The following MYO1D variants were observed in gnomAD, a reference collection of about 807,000 sequenced individuals.
MYO1D encodes the protein unconventional myosin-Id.
A neutral mutation model predicts 122.0 loss-of-function variants in MYO1D; 83 were observed. The observed-to-expected ratio is 0.68, with a 90% confidence interval of 0.57 to 0.82. The LOEUF is 0.82. Ranked by LOEUF, MYO1D falls within the 40% of genes least tolerant of loss-of-function variation. MYO1D has a pLI of 0.00. For missense variants in MYO1D, 1,157 were observed against 1,269.5 expected, an observed-to-expected ratio of 0.91 and a Z score of 1.35; for synonymous variants, 464 against 446.9, an observed-to-expected ratio of 1.04 and a Z score of -0.48.
intron 1 of MYO1D, among the ~76,000 whole-genome samples, chr17:32,781,337 T>A: frequency 1.3e-5 from 2 of 152,210 alleles, no homozygotes; most frequent in East Asian, 1.9e-4. Flanking sequence ...AGTTCCATGG[T>A]GTCGATATAT....
intron 1 of MYO1D, among the ~76,000 whole-genome samples, chr17:32,851,654 G>T (rs1205420142): frequency 6.6e-6 from 1 of 152,220 alleles, no homozygotes; most frequent in East Asian, 1.9e-4. Flanking sequence ...TTCTGTGGAA[G>T]ACCATTTTTC....
chr17:32,767,614 T>G, intron 7 of MYO1D, 22 bp downstream of exon 7: 1 of 1,464,646 alleles, frequency 6.8e-7, no homozygotes, highest in South Asian at 1.2e-5. Context: ...GACAATACAT[T>G]CTGAGAGGTG....
chr17:32,717,990 G>A (rs1163184572), intron 15 of MYO1D, among the ~76,000 whole-genome samples: 5 of 151,826 alleles, frequency 3.3e-5, no homozygotes, highest in African/African-American at 1.2e-4. Flanking sequence ...TGCTGCTCCT[G>A]GATCAACCTT....
intron 19 of MYO1D, among the ~76,000 whole-genome samples, chr17:32,645,090 T>C (rs1365228307): frequency 6.6e-6 from 1 of 152,222 alleles, no homozygotes; most frequent in Non-Finnish European, 1.5e-5. Context: ...CTTCAGGAGC[T>C]CTTGTAGGGC....
At chr17:32,524,564 CTTT>C (rs11323072) in intron 21 of MYO1D, among the ~76,000 whole-genome samples, 6 of 119,264 alleles carry the variant, frequency 5.0e-5, no homozygotes, top group Admixed American at 3.5e-4. Context: ...CTGATTAATT[CTTT>C]TTTTTTTTTT....
At chr17:32,549,330 A>G (rs189966077) in intron 21 of MYO1D, among the ~76,000 whole-genome samples, 97 of 149,970 alleles carry the variant, frequency 6.5e-4, no homozygotes, top group Non-Finnish European at 1.1e-3. Flanking sequence ...TCCTGGGCTC[A>G]AGTGATCCAC....
chr17:32,764,991 T>C lies in MYO1D; in HGVS notation c.922A>G (p.Thr308Ala), dbSNP rs749934338. Residue 308 changes from threonine to alanine, a missense_variant, in exon 8 of 22, where the codon ACA (threonine) becomes GCA (alanine). Coordinates refer to ENST00000318217, the MANE Select transcript of MYO1D (RefSeq NM_015194.3). Reference protein sequence around the residue: ...SIIAELLSTKTDMVEKALLYR... With the variant: ...SIIAELLSTKADMVEKALLYR... ...AGAAGGGCTTTCTCAACCATATCTG[T>C]CTTAGTAGAGAGCAATTCTGCTATG... 6.2e-7 allele frequency: 1 copy of C among 1,614,210 alleles called. No homozygotes were observed. The highest frequency in any genetic ancestry group is 1.1e-5 in the South Asian group (1 of 91,078).
intron 16 of MYO1D, among the ~76,000 whole-genome samples, chr17:32,707,446 A>AT (rs2089322846): frequency 6.6e-6 from 1 of 152,222 alleles, no homozygotes; most frequent in Admixed American, 6.5e-5. Context: ...TTAAAACCAT[A>AT]TATACTCTTC....
At chr17:32,581,403 C>T (rs1208210505) in intron 21 of MYO1D, among the ~76,000 whole-genome samples, 3 of 151,920 alleles carry the variant, frequency 2.0e-5, no homozygotes, top group Admixed American at 2.0e-4. Context: ...TTTCTGATTT[C>T]CATTTCATTG....
At chr17:32,803,199 T>G (rs1200907501) in intron 1 of MYO1D, among the ~76,000 whole-genome samples, 1 of 152,136 alleles carries the variant, frequency 6.6e-6, no homozygotes, top group Non-Finnish European at 1.5e-5. Flanking sequence ...CAGGCTTGAG[T>G]GCAGTGGCGT....
chr17:32,655,750 G>A (rs557170608), intron 17 of MYO1D, among the ~76,000 whole-genome samples: 1 of 152,154 alleles, frequency 6.6e-6, no homozygotes, highest in Non-Finnish European at 1.5e-5. Context: ...GGAAGGTTTG[G>A]AACAAAGATG....
intron 19 of MYO1D, among the ~76,000 whole-genome samples, chr17:32,640,148 G>T (rs552624557): frequency 3.9e-5 from 6 of 151,912 alleles, no homozygotes; most frequent in Non-Finnish European, 8.8e-5. Context: ...TCTTCAACTT[G>T]ACAAAAATGG....
intron 20 of MYO1D, among the ~76,000 whole-genome samples, chr17:32,617,788 G>A (rs1378820751): frequency 6.6e-6 from 1 of 152,176 alleles, no homozygotes; most frequent in East Asian, 1.9e-4. Flanking sequence ...GTAACAGAGA[G>A]AAACCTTAAT....
chr17:32,815,314 T>C (rs146197827), intron 1 of MYO1D, among the ~76,000 whole-genome samples: 42 of 152,298 alleles, frequency 2.8e-4, no homozygotes, highest in African/African-American at 1.0e-3. Flanking sequence ...GGAAAAAAGA[T>C]TTTCCAGCTC....
chr17:32,690,271 G>C (rs2089078597), intron 16 of MYO1D, among the ~76,000 whole-genome samples: 1 of 151,318 alleles, frequency 6.6e-6, no homozygotes, highest in Non-Finnish European at 1.5e-5. Flanking sequence ...CACCTCCCGG[G>C]CTCAAGCAAT....
intron 1 of MYO1D, among the ~76,000 whole-genome samples, chr17:32,876,254 G>C (rs559645768): frequency 2.9e-4 from 44 of 152,188 alleles, no homozygotes; most frequent in African/African-American, 9.9e-4. Context: ...CTGAATGACA[G>C]GATGGAACTA....
At chr17:32,736,437 G>A (rs2089701786) in intron 14 of MYO1D, among the ~76,000 whole-genome samples, 1 of 152,106 alleles carries the variant, frequency 6.6e-6, no homozygotes, top group Non-Finnish European at 1.5e-5. Flanking sequence ...CATGGACCAG[G>A]AGGTTGGGTG....
chr17:32,659,063 G>C, intron 17 of MYO1D, 52 bp downstream of exon 17: 1 of 1,505,600 alleles, frequency 6.6e-7, no homozygotes, highest in Non-Finnish European at 9.2e-7. Flanking sequence ...ACTTTGCATA[G>C]TATTAACTGT....
At chr17:32,737,981 A>G (rs777340527) in intron 14 of MYO1D, among the ~76,000 whole-genome samples, 46 of 152,348 alleles carry the variant, frequency 3.0e-4, no homozygotes, top group African/African-American at 8.7e-4. Flanking sequence ...TGTGCCTTAT[A>G]TATTTTTCAA....
Sources: gnomAD v4.1 joint callset for allele counts (sites outside exome capture counted in the v4.1 genomes callset) on GRCh38, gnomAD v4.1.1 for gene constraint, MANE v1.5 for transcripts, NCBI Gene and HGNC (gene_info 2026-07-23, HGNC 2026-07-21) for gene names.